Variants in XDH observed in about 807,000 individuals in gnomAD.
XDH encodes the protein xanthine dehydrogenase/oxidase.
XDH carries 138 observed loss-of-function variants against 156.1 expected under a neutral mutation model. That is an observed-to-expected ratio of 0.88 (90% confidence interval 0.77 to 1.02). XDH has a LOEUF of 1.02. XDH is among the 50% of genes least tolerant of loss of function. The probability of loss-of-function intolerance (pLI) is 0.00; values close to 1 mark genes in which losing one functional copy is unlikely to be tolerated. For missense variants in XDH, 1,849 were observed against 1,684.9 expected, an observed-to-expected ratio of 1.10 and a Z score of -1.71; for synonymous variants, 669 against 625.7, an observed-to-expected ratio of 1.07 and a Z score of -1.03.
intron 28 of XDH, 44 bp from the exon 29 acceptor site, chr2:31,347,694 T>C: frequency 6.2e-7 from 1 of 1,600,066 alleles, no homozygotes; most frequent in Non-Finnish European, 8.5e-7. Flanking sequence ...GGGGTTATCA[T>C]GGGGCTTGGC....
At chr2:31,394,138 T>C (rs985437419) in intron 6 of XDH, among the ~76,000 whole-genome samples, 2 of 152,166 alleles carry the variant, frequency 1.3e-5, no homozygotes, top group Non-Finnish European at 2.9e-5. Context: ...TCTTCCTTTA[T>C]GTAGATCTGA....
rs751408327 is a variant in XDH, at chr2:31,383,150, T to TA, written c.888dup (p.Ile297TyrfsTer22). The TA allele has an allele frequency of 6.2e-7, 1 of 1,614,170 alleles. No homozygotes were observed. Among genetic ancestry groups the TA allele is most frequent in the Non-Finnish European group, 8.5e-7 (1 of 1,180,018 alleles). ...AGGGGGCAAGCAGCTCCAAAGGAGA[T>TA]ACCTGGGAACGCACGTTCGGAATCA... is the stretch of plus-strand genomic sequence containing the variant. On this transcript the variant is annotated frameshift_variant and splice_region_variant, in exon 11 of 36. Transcript: ENST00000379416. LOFTEE classifies it high-confidence loss of function.
At chr2:31,408,333 T>C (rs142847431) in intron 1 of XDH, among the ~76,000 whole-genome samples, 136 of 152,356 alleles carry the variant, frequency 8.9e-4, no homozygotes, top group Non-Finnish European at 1.6e-3. Context: ...TGGATTGCTA[T>C]AGAGAATGAC....
In XDH at chr2:31,366,944, T is replaced by A; in HGVS notation, c.2248A>T (p.Thr750Ser). The A allele has an allele frequency of 6.2e-7, 1 of 1,614,144 alleles. No homozygotes were observed. The highest frequency in any genetic ancestry group is 8.5e-7 in the Non-Finnish European group (1 of 1,179,960). The change falls in exon 21 of 36, where the codon ACC becomes TCC. Residue 750 changes from threonine to serine, a missense_variant. Thr to Ser is a moderately conservative substitution (Grantham distance 58, BLOSUM62 1). Coordinates refer to ENST00000379416, the MANE Select transcript of XDH (RefSeq NM_000379.4). ...GCCTCGCCTTTTGGAACAGCAATGGTGCAGTGAGTCTCCAGGTAGAAGTGC... is the reference window on the plus strand; with the variant it reads ...GCCTCGCCTTTTGGAACAGCAATGGAGCAGTGAGTCTCCAGGTAGAAGTGC... ...QEHFYLETHC[T>S]IAVPKGEAGE...
At chr2:31,405,790 G>T in intron 2 of XDH, 117 bp downstream of exon 2, 1 of 1,120,398 alleles carries the variant, frequency 8.9e-7, no homozygotes, top group Non-Finnish European at 1.4e-6. Flanking sequence ...CTAATCCAGT[G>T]CTCTTTCCTC....
At chr2:31,375,027 T>TTTC (rs1686204054) in intron 15 of XDH, among the ~76,000 whole-genome samples, 1 of 120,546 alleles carries the variant, frequency 8.3e-6, no homozygotes, top group Non-Finnish European at 1.7e-5. Flanking sequence ...TTCTTTCTTT[T>TTTC]TTTTTTTTTT....
At chr2:31,392,670 G>C (rs1019678958) in intron 6 of XDH, among the ~76,000 whole-genome samples, 13 of 152,044 alleles carry the variant, frequency 8.6e-5, no homozygotes, top group African/African-American at 3.1e-4. Context: ...TGATCCGCCC[G>C]CCTCATCCTC....
chr2:31,348,456 A>G (rs1448386579), intron 27 of XDH, 93 bp from the exon 28 acceptor site: 1 of 1,213,500 alleles, frequency 8.2e-7, no homozygotes, highest in African/African-American at 1.5e-5. Context: ...GAACAAGAGA[A>G]CCAGCAGCAT....
At chr2:31,411,957 A>AAGTG (rs45455193) in intron 1 of XDH, among the ~76,000 whole-genome samples, 63,666 of 150,340 alleles carry the variant, frequency 0.42, 13,704 homozygotes, top group Middle Eastern at 0.46. Flanking sequence ...AATGATGAGT[A>AAGTG]AGTGAGTGAG....
At chr2:31,386,611 T>C (rs1686603777) in intron 8 of XDH, 56 bp from the exon 9 acceptor site, 5 of 1,611,754 alleles carry the variant, frequency 3.1e-6, no homozygotes, top group Admixed American at 3.3e-5. Context: ...GTCATTCCTC[T>C]TATAAATTGC....
chr2:31,362,752 C>A (rs570945554), intron 24 of XDH, among the ~76,000 whole-genome samples: 1 of 152,180 alleles, frequency 6.6e-6, no homozygotes, highest in Non-Finnish European at 1.5e-5. Flanking sequence ...GGGCCGCCTC[C>A]GCCCATGAAA....
Position 31,383,132 on chromosome 2 carries a change from A to G in XDH, c.907T>C (p.Cys303Arg). ...GTTTTTTCCACAATGCTCAGGGGGC[A>G]AGCAGCTCCAAAGGAGATACCTGGG... ...GPDGISFGAA[C>R]PLSIVEKTLV... Residue 303 changes from cysteine to arginine, a missense_variant, in exon 11 of 36, where the codon TGC becomes CGC. Physicochemically the swap from Cys to Arg is radical, Grantham distance 180. Transcript: ENST00000379416. 6.2e-7 allele frequency: 1 copy of G among 1,614,172 alleles called. No individual in the cohort carries two copies. Among genetic ancestry groups the G allele is most frequent in the Non-Finnish European group, 8.5e-7 (1 of 1,180,020 alleles).
chr2:31,346,858 C>A lies in XDH; in HGVS notation c.3277-15G>T, dbSNP rs746596062. 10 of 1,613,890 alleles carry A rather than the reference C, an allele frequency of 6.2e-6. No individual in the cohort carries two copies. Among genetic ancestry groups the A allele is most frequent in the Middle Eastern group, 3.4e-4 (2 of 5,906 alleles). On this transcript the variant is annotated splice_polypyrimidine_tract_variant and intron_variant, in intron 29 of 35. Coordinates refer to ENST00000379416, the MANE Select transcript of XDH (RefSeq NM_000379.4). ...TGACAAGCCGCCTAAAGTAAACACCCCCCACACCCCAGACACATCAGTCCT... is the reference window on the plus strand; with the variant it reads ...TGACAAGCCGCCTAAAGTAAACACCACCCACACCCCAGACACATCAGTCCT...
chr2:31,349,988 T>A (rs45515198), intron 25 of XDH, 44 bp downstream of exon 25: 3 of 1,612,586 alleles, frequency 1.9e-6, no homozygotes, highest in Non-Finnish European at 2.5e-6. Flanking sequence ...TCCCCCGAAG[T>A]AGTCTAAAGC....
At chr2:31,407,187 G>A (rs547529157) in intron 1 of XDH, among the ~76,000 whole-genome samples, 31 of 152,166 alleles carry the variant, frequency 2.0e-4, no homozygotes, top group Non-Finnish European at 3.7e-4. Flanking sequence ...CTTGCTTTGT[G>A]CTACATAAAA....
chr2:31,401,370 A>G lies in XDH; in HGVS notation c.198-42T>C, dbSNP rs369438616. The G allele has an allele frequency of 1.4e-4, 228 of 1,601,192 alleles. No homozygotes were observed. The African/African-American group carries it at 2.8e-3, about 20-fold the overall frequency. Reference sequence around the variant, plus strand: ...AGGTCATTCCATTTATTGTCCACTCAGATCATCAGAATGGGCCTGACTGTG... The same window carrying G: ...AGGTCATTCCATTTATTGTCCACTCGGATCATCAGAATGGGCCTGACTGTG... On this transcript the variant is annotated intron_variant, in intron 3 of 35. Coordinates refer to ENST00000379416, the MANE Select transcript of XDH (RefSeq NM_000379.4).
intron 11 of XDH, 89 bp downstream of exon 11, chr2:31,382,912 A>G: frequency 6.3e-7 from 1 of 1,591,502 alleles, no homozygotes; most frequent in Non-Finnish European, 8.6e-7. Context: ...TTTGAGGCCC[A>G]CTGCACTGAC....
intron 9 of XDH, chr2:31,384,487 G>A (rs995793754): frequency 1.3e-5 from 2 of 155,530 alleles, no homozygotes; most frequent in Non-Finnish European, 2.9e-5. Flanking sequence ...AGTTCTTCAA[G>A]TTGTCTGGCT....
intron 30 of XDH, 56 bp downstream of exon 30, chr2:31,346,713 C>A: frequency 6.2e-7 from 1 of 1,602,720 alleles, no homozygotes; most frequent in Non-Finnish European, 8.5e-7. Flanking sequence ...GAACGGAGGC[C>A]CTGCTGTCAA....
Sources: gnomAD v4.1 joint callset for allele counts (sites outside exome capture counted in the v4.1 genomes callset) on GRCh38, gnomAD v4.1.1 for gene constraint, MANE v1.5 for transcripts, NCBI Gene and HGNC (gene_info 2026-07-23, HGNC 2026-07-21) for gene names.